The following SLCO5A1 variants were observed in gnomAD, a reference collection of about 807,000 sequenced individuals.
SLCO5A1 encodes solute carrier organic anion transporter family member 5A1, also known as organic anion transporter polypeptide-related protein 4.
In SLCO5A1, 39 loss-of-function variants were observed where a neutral mutation model predicts 65.1. The observed-to-expected ratio is 0.60, with a 90% confidence interval of 0.46 to 0.78. The LOEUF (loss-of-function observed/expected upper bound fraction) is 0.78. Among genes scored for constraint, SLCO5A1 ranks in the 30% least tolerant of loss-of-function variants. The pLI is 0.00. For synonymous variants in SLCO5A1, 438 were observed against 415.7 expected (o/e 1.05, Z -0.65); for missense variants, 1,029 against 1,069.4 (o/e 0.96, Z 0.53).
At chr8:69,683,610 T>G (rs923416027) in intron 6 of SLCO5A1, among the ~76,000 whole-genome samples, 3 of 151,582 alleles carry the variant, frequency 2.0e-5, no homozygotes, top group African/African-American at 7.3e-5. Context: ...TCGCCCAGGC[T>G]GGAGTGCAGT....
intron 9 of SLCO5A1, among the ~76,000 whole-genome samples, chr8:69,676,346 A>G (rs978971601): frequency 1.3e-5 from 2 of 152,196 alleles, no homozygotes; most frequent in African/African-American, 4.8e-5. Context: ...TTACTGTGCA[A>G]AATTCTGGGG....
intron 6 of SLCO5A1, among the ~76,000 whole-genome samples, chr8:69,688,214 A>T (rs1048919608): frequency 9.8e-5 from 15 of 152,332 alleles, no homozygotes; most frequent in African/African-American, 3.6e-4. Context: ...AGGAGCTAGG[A>T]TAATCCAAAA....
At chr8:69,710,342 G>C (rs1196120924) in intron 5 of SLCO5A1, among the ~76,000 whole-genome samples, 1 of 152,020 alleles carries the variant, frequency 6.6e-6, no homozygotes, top group Non-Finnish European at 1.5e-5. Context: ...TTACAGATGA[G>C]GAGACTGAAG....
intron 6 of SLCO5A1, among the ~76,000 whole-genome samples, chr8:69,692,314 G>T (rs1814298344): frequency 6.6e-6 from 1 of 152,140 alleles, no homozygotes; most frequent in Non-Finnish European, 1.5e-5. Flanking sequence ...CATGAATGGA[G>T]CCTGCAGGAC....
At chr8:69,814,074 GA>G (rs113077458) in intron 2 of SLCO5A1, among the ~76,000 whole-genome samples, 6 of 151,872 alleles carry the variant, frequency 4.0e-5, no homozygotes, top group Non-Finnish European at 5.9e-5. Context: ...CAAACTACAA[GA>G]AAAAAACATG....
intron 5 of SLCO5A1, among the ~76,000 whole-genome samples, chr8:69,722,967 A>T (rs1815897880): frequency 6.6e-6 from 1 of 152,190 alleles, no homozygotes; most frequent in Non-Finnish European, 1.5e-5. Context: ...TATAGTAAAT[A>T]TATATTCTTT....
intron 5 of SLCO5A1, among the ~76,000 whole-genome samples, chr8:69,720,164 ACTT>A (rs775104895): frequency 6.6e-6 from 1 of 152,238 alleles, no homozygotes; most frequent in Non-Finnish European, 1.5e-5. Context: ...TTCAGATAAA[ACTT>A]CTCTTTGGAA....
intron 6 of SLCO5A1, among the ~76,000 whole-genome samples, chr8:69,697,421 G>T (rs1814544087): frequency 6.6e-6 from 1 of 152,084 alleles, no homozygotes; most frequent in Admixed American, 6.6e-5. Flanking sequence ...TACACACACA[G>T]CTCTACGAAC....
chr8:69,752,562 A>T (rs1199494889), intron 4 of SLCO5A1, among the ~76,000 whole-genome samples: 1 of 152,246 alleles, frequency 6.6e-6, no homozygotes, highest in Non-Finnish European at 1.5e-5. Flanking sequence ...AAGGAAATCA[A>T]TGTATACAAG....
chr8:69,723,318 C>G (rs1815915096), intron 5 of SLCO5A1, among the ~76,000 whole-genome samples: 1 of 152,114 alleles, frequency 6.6e-6, no homozygotes, highest in South Asian at 2.1e-4. Context: ...GTGGTGCGAT[C>G]TTGGCTTACT....
chr8:69,769,174 A>G (rs988794729), intron 2 of SLCO5A1, among the ~76,000 whole-genome samples: 1 of 152,224 alleles, frequency 6.6e-6, no homozygotes, highest in African/African-American at 2.4e-5. Flanking sequence ...TGCTTCACTG[A>G]GGACTCGCCT....
intron 2 of SLCO5A1, among the ~76,000 whole-genome samples, chr8:69,820,921 AG>A (rs979410410): frequency 2.0e-5 from 3 of 152,168 alleles, no homozygotes; most frequent in African/African-American, 7.2e-5. Flanking sequence ...AGGCAGAAAC[AG>A]GCTGGGAGAA....
At chr8:69,778,876 T>A (rs1818687767) in intron 2 of SLCO5A1, among the ~76,000 whole-genome samples, 1 of 152,292 alleles carries the variant, frequency 6.6e-6, no homozygotes, top group South Asian at 2.1e-4. Context: ...AAAGCAACCA[T>A]CCCATTTTCT....
Position 69,678,646 on chromosome 8 carries a change from G to A in SLCO5A1, c.2024+732C>T, listed in dbSNP as rs1001976440. Among the ~76,000 whole-genome samples the A allele has an allele frequency of 3.3e-5, 5 of 151,976 alleles. 1 individual carries two copies. The highest frequency in any genetic ancestry group is 2.6e-4 in the Admixed American group (4 of 15,262). ...TTCCTCCCCTGTTCATCTGTATCAC[G>A]TTATTGCAGTGCAAAAAAATAGCAG... On this transcript the variant is annotated intron_variant, in intron 8 of 9. Transcript: ENST00000260126.
intron 2 of SLCO5A1, among the ~76,000 whole-genome samples, chr8:69,799,345 A>G (rs2130901212): frequency 6.6e-6 from 1 of 152,362 alleles, no homozygotes; most frequent in Non-Finnish European, 1.5e-5. Context: ...CATTGTCTCA[A>G]GAAATGTGTA....
intron 2 of SLCO5A1, among the ~76,000 whole-genome samples, chr8:69,796,526 G>A (rs1175173466): frequency 3.9e-5 from 6 of 152,020 alleles, no homozygotes; most frequent in Admixed American, 2.0e-4. Flanking sequence ...TGTGGTGGGA[G>A]GATCACCTGA....
chr8:69,825,281 C>T (rs1452678921), intron 2 of SLCO5A1, among the ~76,000 whole-genome samples: 1 of 152,066 alleles, frequency 6.6e-6, no homozygotes, highest in African/African-American at 2.4e-5. Context: ...CTGGCCAGGG[C>T]AATCAGGCAG....
rs146359473 is a variant in SLCO5A1 at position 69,810,001 on chromosome 8, C to T, written c.907+21766G>A. Among the ~76,000 whole-genome samples the T allele has an allele frequency of 7.2e-5, 11 of 152,290 alleles. No homozygotes were observed. In the East Asian group the frequency reaches 2.1e-3, roughly 29 times the overall value. ...GACTATGCCTAACCCAGTGAGTTCT[C>T]CAGCTACAGAGGCAAGATAACCCCC... On this transcript the variant is annotated intron_variant, in intron 2 of 9. Coordinates refer to ENST00000260126, the MANE Select transcript of SLCO5A1 (RefSeq NM_030958.3).
chr8:69,709,263 T>C (rs188921774), intron 5 of SLCO5A1, among the ~76,000 whole-genome samples: 1 of 152,190 alleles, frequency 6.6e-6, no homozygotes, highest in East Asian at 1.9e-4. Flanking sequence ...CACATTTATA[T>C]ACTGAGGAAA....
Sources: gnomAD v4.1 joint callset for allele counts (sites outside exome capture counted in the v4.1 genomes callset) on GRCh38, gnomAD v4.1.1 for gene constraint, MANE v1.5 for transcripts, NCBI Gene and HGNC (gene_info 2026-07-23, HGNC 2026-07-21) for gene names.